CSPG5: variants seen among roughly 807,000 people sequenced by gnomAD.
The protein encoded by CSPG5 is chondroitin sulfate proteoglycan 5.
CSPG5 carries 25 observed loss-of-function variants against 39.8 expected under a neutral mutation model. That is an observed-to-expected ratio of 0.63 (90% CI 0.46 to 0.88). CSPG5 has a LOEUF of 0.88. Among genes scored for constraint, CSPG5 ranks in the 40% least tolerant of loss-of-function variants. The pLI is 0.00. For missense variants in CSPG5, 627 were observed against 702.2 expected, an observed-to-expected ratio of 0.89 and a Z score of 1.21; for synonymous variants, 295 against 303.9, an observed-to-expected ratio of 0.97 and a Z score of 0.31.
intron 2 of CSPG5, among the ~76,000 whole-genome samples, chr3:47,575,441 G>C (rs2031681111): frequency 6.6e-6 from 1 of 152,214 alleles, no homozygotes; most frequent in Non-Finnish European, 1.5e-5. Context: ...AAGCTCTCCA[G>C]CAAGTTAAAT....
chr3:47,563,440 G>A (rs1383949675), intron 4 of CSPG5, among the ~76,000 whole-genome samples: 2 of 152,208 alleles, frequency 1.3e-5, no homozygotes, highest in Non-Finnish European at 2.9e-5. Context: ...TCGTACTGCT[G>A]ATTCTAATGT....
chr3:47,569,614 A>AG (rs1454853050), intron 3 of CSPG5, among the ~76,000 whole-genome samples: 1 of 152,094 alleles, frequency 6.6e-6, no homozygotes, highest in Non-Finnish European at 1.5e-5. Flanking sequence ...AAAAAAAAAA[A>AG]AATTACAAAA....
chr3:47,571,186 A>C (rs2031515054), intron 3 of CSPG5, among the ~76,000 whole-genome samples: 1 of 152,264 alleles, frequency 6.6e-6, no homozygotes, highest in African/African-American at 2.4e-5. Context: ...TTTTAGAATA[A>C]ATAAATTATG....
In CSPG5 at chr3:47,562,780, TGGG is replaced by T. The variant is rs144390955; in HGVS notation, c.1459-22_1459-20del. 11 of 1,156,240 alleles carry T rather than the reference TGGG, an allele frequency of 9.5e-6. No individual in the cohort carries two copies. Among genetic ancestry groups the T allele is most frequent in the Non-Finnish European group, 1.2e-5 (10 of 826,506 alleles). The allele number at this position is 1,156,240 out of a possible 1,614,324, so 71.6% of individuals were successfully genotyped here. A position where few individuals can be genotyped will look rare whatever the true frequency, so the allele number is the denominator to read the frequency against. On this transcript the variant is annotated intron_variant, in intron 4 of 4. Transcript: ENST00000264723. The stretch of plus-strand genomic sequence containing the variant: ...GATCATCCTGGAAGAGGGAAAAAGT[TGGG>T]GGGGGGGAGACAATGCATACAGCAA...
chr3:47,569,099 A>G, intron 4 of CSPG5, 53 bp downstream of exon 4: 1 of 1,564,324 alleles, frequency 6.4e-7, no homozygotes, highest in Non-Finnish European at 8.6e-7. Flanking sequence ...ATAGTGAGCC[A>G]AGGCACGGGC....
rs574784394 is a variant in CSPG5, at chr3:47,565,996, G to A, written c.1458+3156C>T. Among the ~76,000 whole-genome samples, 209 of 152,318 alleles carry A rather than the reference G, an allele frequency of 1.4e-3. 1 individual carries two copies. Among genetic ancestry groups the A allele is most frequent in the African/African-American group, 4.7e-3 (195 of 41,574 alleles). On this transcript the variant is annotated intron_variant, in intron 4 of 4. Coordinates refer to ENST00000264723, the MANE Select transcript of CSPG5 (RefSeq NM_006574.4). ...CCTAAGGCCCACCAGCTACAGAGCC[G>A]CACATCAGCCTGAGGGCAGAGAGGA...
chr3:47,573,171 G>A (rs1315306588), intron 2 of CSPG5, among the ~76,000 whole-genome samples: 1 of 152,190 alleles, frequency 6.6e-6, no homozygotes. Flanking sequence ...GACCAAGGAG[G>A]GAAGGGAATC....
chr3:47,567,775 G>GC (rs2031369887), intron 4 of CSPG5, among the ~76,000 whole-genome samples: 1 of 152,210 alleles, frequency 6.6e-6, no homozygotes, highest in African/African-American at 2.4e-5. Context: ...ACTTTGGGAG[G>GC]CTGCGGCAGG....
chr3:47,570,315 G>A (rs1329792140), intron 3 of CSPG5, among the ~76,000 whole-genome samples: 2 of 150,574 alleles, frequency 1.3e-5, no homozygotes, highest in African/African-American at 4.9e-5. Flanking sequence ...TGTTGCTCAG[G>A]CTGGACTCGA....
rs1035370735 is a variant in CSPG5, at chr3:47,572,995, C to T, written c.1194-121G>A. 9.1e-5 allele frequency: 69 copies of T among 756,906 alleles called. No individual in the cohort carries two copies. Among genetic ancestry groups the T allele is most frequent in the African/African-American group, 1.2e-4 (7 of 56,938 alleles). 46.9% of individuals were successfully genotyped at this position (756,906 alleles called of 1,614,324 possible). ...CTGTTCCGAAGGCCATCTAGAGGAACTGCAATGCTCCGAATCTGCACAGAC... is the reference window on the plus strand; with the variant it reads ...CTGTTCCGAAGGCCATCTAGAGGAATTGCAATGCTCCGAATCTGCACAGAC... On this transcript the variant is annotated intron_variant, in intron 2 of 4. Transcript: ENST00000264723. The surrounding 1 kb of genome is among the most constrained non-coding windows in gnomAD (Gnocchi z 4.5).
chr3:47,563,466 T>C (rs1465404560), intron 4 of CSPG5, among the ~76,000 whole-genome samples: 1 of 152,106 alleles, frequency 6.6e-6, no homozygotes, highest in Non-Finnish European at 1.5e-5. Context: ...TCCATGTATA[T>C]TGCCTACAGC....
At chr3:47,563,088 T>A (rs1296013145) in intron 4 of CSPG5, among the ~76,000 whole-genome samples, 3 of 152,236 alleles carry the variant, frequency 2.0e-5, no homozygotes, top group Non-Finnish European at 4.4e-5. Context: ...GCCTCATGTG[T>A]TGATGAGCTC....
upstream of CSPG5, chr3:47,579,762 C>A (rs182809949): frequency 2.0e-5 from 3 of 152,324 alleles, no homozygotes; most frequent in East Asian, 5.8e-4. This position sits in a 1 kb window ranked among gnomAD's most constrained non-coding sequence, Gnocchi z 4.2. Flanking sequence ...CCATTCACAG[C>A]TTCAGGGCTC....
At chr3:47,563,607 T>A (rs2031177880) in intron 4 of CSPG5, among the ~76,000 whole-genome samples, 1 of 152,174 alleles carries the variant, frequency 6.6e-6, no homozygotes, top group Non-Finnish European at 1.5e-5. Flanking sequence ...CAGGCCAGAG[T>A]ACAGTAGTGT....
In CSPG5 at chr3:47,577,553, C is replaced by T; in HGVS notation, c.473G>A (p.Gly158Asp). The change falls in exon 2 of 5, where the codon GGC becomes GAC. Residue 158 changes from glycine (G) to aspartate (D), a missense_variant. Transcript: ENST00000264723. This position sits in a 1 kb window ranked among gnomAD's most constrained non-coding sequence, Gnocchi z 4.7. ...TTCAGAAGCTGGGCTCAGCTTGTCG[C>T]CGGGGGTGGGGGAGGGTGGCCCGCT... ...EASGPPSPTP[G>D]DKLSPASELP... The T allele has an allele frequency of 6.2e-7, 1 of 1,610,156 alleles. No individual in the cohort carries two copies. Among genetic ancestry groups the T allele is most frequent in the Non-Finnish European group, 8.5e-7 (1 of 1,178,856 alleles).
At chr3:47,576,780 G>A (rs1191581378) in intron 2 of CSPG5, 53 bp downstream of exon 2, 14 of 1,507,552 alleles carry the variant, frequency 9.3e-6, no homozygotes, top group Admixed American at 4.6e-5. Flanking sequence ...CTGTTGAGTC[G>A]GCCTCACATA....
chr3:47,578,051 G>C lies in CSPG5; in HGVS notation c.98-123C>G. 7.7e-7 allele frequency: 1 copy of C among 1,298,900 alleles called. No homozygotes were observed. The highest frequency in any genetic ancestry group is 9.8e-7 in the Non-Finnish European group (1 of 1,024,230). The allele number at this position is 1,298,900 out of a possible 1,614,324, so 80.5% of individuals were successfully genotyped here. ...GTCAACCCAGACCTCGCCACCCTCA[G>C]ACCCCACCGCCCCAGTGTGACCCCA... On this transcript the variant is annotated intron_variant, in intron 1 of 4. Transcript: ENST00000264723. The surrounding 1 kb of genome is among the most constrained non-coding windows in gnomAD (Gnocchi z 6.0).
rs753774150 is a variant in CSPG5, at chr3:47,562,774, A to G, written c.1459-13T>C. On this transcript the variant is annotated splice_polypyrimidine_tract_variant and intron_variant, in intron 4 of 4. Coordinates refer to ENST00000264723, the MANE Select transcript of CSPG5 (RefSeq NM_006574.4). ...CACTAGGATCATCCTGGAAGAGGGA[A>G]AAAGTTGGGGGGGGGGAGACAATGC... The G allele has an allele frequency of 1.9e-5, 30 of 1,538,974 alleles. No homozygotes were observed. The highest frequency in any genetic ancestry group is 5.1e-5 in the Admixed American group (3 of 58,642).
Position 47,578,529 on chromosome 3 carries a change from C to G in CSPG5, c.97+68G>C. 2.0e-6 allele frequency: 1 copy of G among 501,756 alleles called. No individual in the cohort carries two copies. The highest frequency in any genetic ancestry group is 2.9e-6 in the Non-Finnish European group (1 of 350,032). 31.1% of individuals were successfully genotyped at this position (501,756 alleles called of 1,614,324 possible). A position where few individuals can be genotyped will look rare whatever the true frequency, so the allele number is the denominator to read the frequency against. ...AGCTCACAGCTCCACCTGTCCCCGC[C>G]GCCAGCGGGACCCCTGCCCTGGGTG... On this transcript the variant is annotated intron_variant, in intron 1 of 4. Coordinates refer to ENST00000264723, the MANE Select transcript of CSPG5 (RefSeq NM_006574.4). This position sits in a 1 kb window ranked among gnomAD's most constrained non-coding sequence, Gnocchi z 6.0.
Sources: allele counts gnomAD v4.1 joint callset (sites outside exome capture counted in the v4.1 genomes callset), GRCh38; gene constraint gnomAD v4.1.1; non-coding constraint Gnocchi (gnomAD v3.1); transcripts MANE v1.5; gene names NCBI Gene and HGNC (gene_info 2026-07-23, HGNC 2026-07-21).